RPRD1A: variants seen among roughly 807,000 people sequenced by gnomAD.
RPRD1A encodes the protein regulation of nuclear pre-mRNA domain-containing protein 1A.
In RPRD1A, 9 loss-of-function variants were observed where a neutral mutation model predicts 37.8. The ratio of observed to expected loss-of-function variants is 0.24; its 90% confidence interval spans 0.14 to 0.42. The LOEUF is 0.42. RPRD1A is among the 10% of genes least tolerant of loss of function. The pLI is 1.00. For missense variants in RPRD1A, 255 were observed against 371.0 expected (o/e 0.69, Z 2.57); for synonymous variants, 138 against 139.7 (o/e 0.99, Z 0.08).
chr18:36,014,724 C>A (rs1480723841), intron 6 of RPRD1A, among the ~76,000 whole-genome samples: 5 of 152,050 alleles, frequency 3.3e-5, no homozygotes, highest in Non-Finnish European at 7.4e-5. Context: ...GCCTGGGCAA[C>A]AAAGCGAGAC....
At chr18:36,059,230 C>T (rs996830918) in intron 1 of RPRD1A, among the ~76,000 whole-genome samples, 7 of 152,214 alleles carry the variant, frequency 4.6e-5, no homozygotes, top group African/African-American at 1.4e-4. Flanking sequence ...CTCCGCTTCC[C>T]GGGTTCAAGT....
chr18:36,008,988 G>T (rs1235811286), intron 6 of RPRD1A, among the ~76,000 whole-genome samples: 1 of 152,032 alleles, frequency 6.6e-6, no homozygotes, highest in Non-Finnish European at 1.5e-5. Context: ...ACACTAACTG[G>T]GTATGGGAGT....
chr18:36,018,539 C>T, intron 6 of RPRD1A, among the ~76,000 whole-genome samples: 1 of 152,160 alleles, frequency 6.6e-6, no homozygotes. Flanking sequence ...TCCCAAAGTG[C>T]TAGGATTACA....
chr18:36,048,858 A>G lies in RPRD1A; in HGVS notation c.152-15021T>C, dbSNP rs532775506. 1.5e-4 allele frequency among the ~76,000 whole-genome samples: 23 copies of G among 152,354 alleles called. 1 individual carries two copies. Among genetic ancestry groups the G allele is most frequent in the African/African-American group, 5.3e-4 (22 of 41,594 alleles). On this transcript the variant is annotated intron_variant, in intron 1 of 6. Transcript: ENST00000399022. ...AAAACTGTCCTTATTTGCAGATGAC[A>G]TGATTATCTGCATAGCAAACCCCAA...
intron 6 of RPRD1A, chr18:36,025,689 A>G: frequency 7.9e-7 from 1 of 1,272,128 alleles, no homozygotes; most frequent in Non-Finnish European, 1.0e-6. Context: ...CTGCAACAGA[A>G]GCTCAATAGA....
intron 1 of RPRD1A, among the ~76,000 whole-genome samples, chr18:36,052,311 A>G (rs1705247753): frequency 6.6e-6 from 1 of 151,986 alleles, no homozygotes; most frequent in Admixed American, 6.6e-5. Flanking sequence ...ACAGTCCTTC[A>G]GGATGAAATT....
chr18:36,009,583 TTCTTC>T (rs1391363277), intron 6 of RPRD1A, among the ~76,000 whole-genome samples: 1 of 152,362 alleles, frequency 6.6e-6, no homozygotes, highest in Non-Finnish European at 1.5e-5. Context: ...CCCACAGCAT[TTCTTC>T]TCTTATTAGG....
chr18:36,032,406 G>C (rs948540509), intron 2 of RPRD1A, among the ~76,000 whole-genome samples: 1 of 152,188 alleles, frequency 6.6e-6, no homozygotes, highest in Non-Finnish European at 1.5e-5. Context: ...TTAAACTGTA[G>C]ACTATAGACT....
chr18:36,018,944 C>T (rs530107321), intron 6 of RPRD1A, among the ~76,000 whole-genome samples: 1 of 152,024 alleles, frequency 6.6e-6, no homozygotes, highest in East Asian at 1.9e-4. Context: ...CAAGAGCATT[C>T]CAGTCCCTCT....
intron 6 of RPRD1A, among the ~76,000 whole-genome samples, chr18:36,000,553 G>A (rs574476633): frequency 1.3e-5 from 2 of 152,156 alleles, no homozygotes; most frequent in East Asian, 1.9e-4. Flanking sequence ...TTGAAAAACC[G>A]GTAATGTTAA....
At chr18:36,005,936 G>GAGC (rs146390487) in intron 6 of RPRD1A, among the ~76,000 whole-genome samples, 35,162 of 151,894 alleles carry the variant, frequency 0.23, 4,094 homozygotes, top group African/African-American at 0.25. Flanking sequence ...ATCAAAATGT[G>GAGC]AGGAGCTGTT....
At chr18:35,996,977 C>CAAAAAAAAA (rs200694089) in intron 6 of RPRD1A, among the ~76,000 whole-genome samples, 15 of 55,618 alleles carry the variant, frequency 2.7e-4, no homozygotes, top group African/African-American at 1.1e-3. Flanking sequence ...GACCCTGTCT[C>CAAAAAAAAA]AAAAAAAAAA....
chr18:36,022,014 G>A (rs1267257717), intron 6 of RPRD1A, among the ~76,000 whole-genome samples: 1 of 152,096 alleles, frequency 6.6e-6, no homozygotes, highest in Non-Finnish European at 1.5e-5. Context: ...AAGGTGGGGG[G>A]CTACTCTAGT....
intron 1 of RPRD1A, among the ~76,000 whole-genome samples, chr18:36,041,095 C>T (rs79927592): frequency 0.02 from 3,002 of 152,220 alleles, 108 homozygotes; most frequent in African/African-American, 0.069. Flanking sequence ...CTCAAATATA[C>T]TAGAACAATT....
At chr18:36,056,391 G>A (rs1440148822) in intron 1 of RPRD1A, among the ~76,000 whole-genome samples, 3 of 152,038 alleles carry the variant, frequency 2.0e-5, no homozygotes, top group African/African-American at 4.8e-5. Flanking sequence ...AGGTTCAAGC[G>A]ATTCTCCTGC....
At chr18:36,052,139 T>C (rs1166008188) in intron 1 of RPRD1A, among the ~76,000 whole-genome samples, 3 of 132,240 alleles carry the variant, frequency 2.3e-5, no homozygotes, top group Non-Finnish European at 4.7e-5. Flanking sequence ...AGTGAGACAA[T>C]GTATTTAACA....
intron 6 of RPRD1A, among the ~76,000 whole-genome samples, chr18:35,999,269 C>T (rs1266264931): frequency 6.6e-6 from 1 of 152,214 alleles, no homozygotes; most frequent in Admixed American, 6.5e-5. Context: ...CCTCAATCTA[C>T]TTCCTATGTA....
chr18:36,031,260 T>G (rs1598633561), intron 2 of RPRD1A, among the ~76,000 whole-genome samples, 163 bp from the exon 3 acceptor site: 1 of 152,152 alleles, frequency 6.6e-6, no homozygotes, highest in Non-Finnish European at 1.5e-5. Context: ...AGCTCAAAAG[T>G]GAAGTGATCT....
intron 4 of RPRD1A, among the ~76,000 whole-genome samples, chr18:36,030,210 C>T (rs1046824417): frequency 2.6e-5 from 4 of 151,706 alleles, no homozygotes; most frequent in African/African-American, 9.7e-5. Context: ...ATGAGCCGGG[C>T]ACAGTGGCTC....
Sources: gnomAD v4.1 joint callset for allele counts (sites outside exome capture counted in the v4.1 genomes callset) on GRCh38, gnomAD v4.1.1 for gene constraint, MANE v1.5 for transcripts, NCBI Gene and HGNC (gene_info 2026-07-23, HGNC 2026-07-21) for gene names.